FRMD4B: variants seen among roughly 807,000 people sequenced by gnomAD.
FRMD4B encodes FERM domain containing 4B.
In FRMD4B, 74 loss-of-function variants were observed where a neutral mutation model predicts 141.5. That is an observed-to-expected ratio of 0.52 (90% confidence interval 0.43 to 0.63). The LOEUF (loss-of-function observed/expected upper bound fraction) is 0.63. Ranked by LOEUF, FRMD4B falls within the 30% of genes least tolerant of loss-of-function variation. FRMD4B has a pLI of 0.00. For synonymous variants in FRMD4B, 506 were observed against 467.9 expected (o/e 1.08, Z -1.05); for missense variants, 1,366 against 1,253.4 (o/e 1.09, Z -1.36).
At chr3:69,215,512 C>T (rs2093132217) in intron 11 of FRMD4B, among the ~76,000 whole-genome samples, 1 of 151,204 alleles carries the variant, frequency 6.6e-6, no homozygotes, top group South Asian at 2.1e-4. Flanking sequence ...AGGCTGGTCT[C>T]AAATTCCTGA....
chr3:69,277,850 T>C (rs2093625444), intron 5 of FRMD4B, among the ~76,000 whole-genome samples: 1 of 75,638 alleles, frequency 1.3e-5, no homozygotes. Flanking sequence ...ATTTTCTTTT[T>C]CTTTCTTTCT....
At chr3:69,456,635 C>T (rs1250197480) in intron 1 of FRMD4B, among the ~76,000 whole-genome samples, 1 of 151,812 alleles carries the variant, frequency 6.6e-6, no homozygotes, top group African/African-American at 2.4e-5. Flanking sequence ...GTCTTGTTCG[C>T]CATTGTATAC....
intron 7 of FRMD4B, among the ~76,000 whole-genome samples, chr3:69,225,688 CCG>C (rs1351497045): frequency 0.18 from 15,343 of 86,280 alleles, 1,358 homozygotes; most frequent in Middle Eastern, 0.3. Flanking sequence ...GAGCAAGACT[CCG>C]TCTCAAAAAA....
chr3:69,477,956 T>C (rs2106969453), intron 1 of FRMD4B, among the ~76,000 whole-genome samples: 1 of 152,274 alleles, frequency 6.6e-6, no homozygotes, highest in African/African-American at 2.4e-5. Context: ...TCCAGGAATT[T>C]ATCCATTTCT....
chr3:69,216,394 C>T (rs2107728579), intron 10 of FRMD4B, 45 bp from the exon 11 acceptor site: 1 of 808,212 alleles, frequency 1.2e-6, no homozygotes, highest in Non-Finnish European at 2.0e-6. Context: ...GCTGTTAACT[C>T]TTCTAGAAGT....
intron 5 of FRMD4B, among the ~76,000 whole-genome samples, chr3:69,268,584 A>AT (rs2093579292): frequency 1.3e-5 from 2 of 151,980 alleles, no homozygotes; most frequent in Non-Finnish European, 1.5e-5. Flanking sequence ...ATGCAAAACT[A>AT]TTTTTTCTCT....
intron 1 of FRMD4B, among the ~76,000 whole-genome samples, chr3:69,513,798 CA>C (rs1169678540): frequency 4.6e-5 from 7 of 151,834 alleles, no homozygotes; most frequent in African/African-American, 1.7e-4. Flanking sequence ...GAATAAAGGA[CA>C]AAAACCATGG....
intron 19 of FRMD4B, among the ~76,000 whole-genome samples, chr3:69,184,442 G>A (rs536811529): frequency 6.6e-6 from 1 of 152,176 alleles, no homozygotes; most frequent in East Asian, 1.9e-4. Flanking sequence ...TGACTGCATA[G>A]CATTTTATTG....
chr3:69,512,942 A>G (rs763330335), intron 1 of FRMD4B, among the ~76,000 whole-genome samples: 1 of 152,292 alleles, frequency 6.6e-6, no homozygotes, highest in Non-Finnish European at 1.5e-5. Context: ...TGTAGCTGTA[A>G]ATGCATATAT....
At chr3:69,252,837 G>C (rs549650062) in intron 5 of FRMD4B, among the ~76,000 whole-genome samples, 29 of 152,294 alleles carry the variant, frequency 1.9e-4, no homozygotes, top group African/African-American at 6.5e-4. Context: ...CTCAAAGAGA[G>C]AGGTAACGGG....
chr3:69,481,705 C>T (rs1380499783), intron 1 of FRMD4B, among the ~76,000 whole-genome samples: 1 of 152,100 alleles, frequency 6.6e-6, no homozygotes, highest in Non-Finnish European at 1.5e-5. Flanking sequence ...CAAGCTTCAC[C>T]TTTCACAACT....
chr3:69,323,552 G>A (rs1290627499), intron 1 of FRMD4B, among the ~76,000 whole-genome samples: 1 of 149,204 alleles, frequency 6.7e-6, no homozygotes, highest in Non-Finnish European at 1.5e-5. Flanking sequence ...GCGACACAGC[G>A]AGACTCTGTC....
At chr3:69,528,229 C>T (rs1391877514) in intron 1 of FRMD4B, among the ~76,000 whole-genome samples, 3 of 151,916 alleles carry the variant, frequency 2.0e-5, no homozygotes, top group Admixed American at 6.6e-5. Context: ...TATGGGTTTC[C>T]TTCCCTCCCT....
intron 1 of FRMD4B, among the ~76,000 whole-genome samples, chr3:69,522,960 T>G (rs1700874797): frequency 6.6e-6 from 1 of 152,120 alleles, no homozygotes; most frequent in African/African-American, 2.4e-5. Context: ...CCTAGGTTAC[T>G]CCATAGGTTA....
intron 1 of FRMD4B, among the ~76,000 whole-genome samples, chr3:69,322,219 T>C (rs1702022379): frequency 6.6e-6 from 1 of 152,184 alleles, no homozygotes; most frequent in Non-Finnish European, 1.5e-5. Flanking sequence ...TGGGATCTAT[T>C]GAGTGGATGG....
At chr3:69,192,413 CA>C (rs1353673088) in intron 17 of FRMD4B, among the ~76,000 whole-genome samples, 1 of 151,944 alleles carries the variant, frequency 6.6e-6, no homozygotes, top group African/African-American at 2.4e-5. Context: ...CAAAAAAACC[CA>C]AAACTATCCC....
chr3:69,505,469 T>A (rs1333273619), intron 1 of FRMD4B, among the ~76,000 whole-genome samples: 1 of 152,214 alleles, frequency 6.6e-6, no homozygotes, highest in Non-Finnish European at 1.5e-5. Context: ...GAAGCCCCCT[T>A]AAGTGTGACA....
intron 1 of FRMD4B, among the ~76,000 whole-genome samples, chr3:69,316,608 A>G (rs1701811205): frequency 6.6e-6 from 1 of 152,162 alleles, no homozygotes; most frequent in South Asian, 2.1e-4. Context: ...GGAGGATATA[A>G]TTAAGAGAGA....
intron 1 of FRMD4B, among the ~76,000 whole-genome samples, chr3:69,487,254 G>C (rs935081796): frequency 1.3e-5 from 2 of 152,150 alleles, no homozygotes; most frequent in East Asian, 3.9e-4. Context: ...TCCCCAGTAA[G>C]GCTTCTGAAT....
Sources: gnomAD v4.1 joint callset for allele counts (sites outside exome capture counted in the v4.1 genomes callset) on GRCh38, gnomAD v4.1.1 for gene constraint, MANE v1.5 for transcripts, NCBI Gene and HGNC (gene_info 2026-07-23, HGNC 2026-07-21) for gene names.